Variants in NCAM1 observed in about 807,000 individuals in gnomAD.
The protein encoded by NCAM1 is neural cell adhesion molecule 1, also known as antigen recognized by monoclonal antibody 5.1H11.
NCAM1 carries 14 observed loss-of-function variants against 109.8 expected under a neutral mutation model. The observed-to-expected ratio is 0.13, with a 90% CI of 0.08 to 0.20. NCAM1 has a LOEUF of 0.20. Among genes scored for constraint, NCAM1 ranks in the 10% least tolerant of loss-of-function variants. The probability of loss-of-function intolerance (pLI) is 1.00; values close to 1 mark genes in which losing one functional copy is unlikely to be tolerated. For synonymous variants in NCAM1, 418 were observed against 442.9 expected (o/e 0.94, Z 0.70); for missense variants, 774 against 1,109.9 (o/e 0.70, Z 4.30).
chr11:113,047,365 G>C (rs1254595284), intron 1 of NCAM1, among the ~76,000 whole-genome samples: 1 of 152,026 alleles, frequency 6.6e-6, no homozygotes, highest in South Asian at 2.1e-4. Flanking sequence ...AAAATAACTT[G>C]ATTATAAGCA....
intron 17 of NCAM1, among the ~76,000 whole-genome samples, chr11:113,267,264 T>C (rs192081786): frequency 3.3e-5 from 5 of 152,324 alleles, no homozygotes; most frequent in African/African-American, 4.8e-5. Context: ...ATCAGGATTG[T>C]CCTAGATGCT....
chr11:113,265,574 G>A (rs190457639), intron 17 of NCAM1, among the ~76,000 whole-genome samples: 70 of 152,310 alleles, frequency 4.6e-4, no homozygotes, highest in African/African-American at 1.6e-3. Context: ...TGAGCTTGTG[G>A]AGAGGGAATC....
In NCAM1 at chr11:113,003,949, A is replaced by G. The variant is rs188914293; in HGVS notation, c.52+42285A>G. ...TAATTGTATATAAGATTTCTTCACC[A>G]GGTGGTTTCACTTACGAATTTTAAG... On this transcript the variant is annotated intron_variant, in intron 1 of 19. Transcript: ENST00000316851. 19 of 152,342 alleles carry G rather than the reference A, an allele frequency of 1.2e-4. No homozygotes were observed. In the East Asian group the frequency reaches 3.5e-3, roughly 28 times the overall value. 9.4% of individuals were successfully genotyped at this position (152,342 alleles called of 1,614,324 possible).
chr11:113,032,668 T>C (rs1361720941), intron 1 of NCAM1, among the ~76,000 whole-genome samples: 1 of 152,154 alleles, frequency 6.6e-6, no homozygotes, highest in African/African-American at 2.4e-5. Flanking sequence ...TTTAATCCCA[T>C]TCTTATATTC....
At chr11:113,005,086 C>CT (rs1244641139) in intron 1 of NCAM1, among the ~76,000 whole-genome samples, 3 of 152,126 alleles carry the variant, frequency 2.0e-5, no homozygotes, top group African/African-American at 4.8e-5. Flanking sequence ...TAGTATATTC[C>CT]TTTTTTTCTA....
At chr11:113,185,079 T>TATATATATATATATATATAGAGAGAGAG in intron 1 of NCAM1, among the ~76,000 whole-genome samples, 12 of 125,736 alleles carry the variant, frequency 9.5e-5, no homozygotes, top group East Asian at 2.9e-4. Context: ...TATATATATA[T>TATATATATATATATATATAGAGAGAGAG]AGAGAGAGAG....
intron 1 of NCAM1, chr11:113,130,615 G>C (rs781852465): frequency 6.6e-6 from 1 of 152,142 alleles, no homozygotes; most frequent in Admixed American, 6.5e-5. Context: ...GACATCATTT[G>C]TACCATTGTC....
chr11:113,173,462 A>G (rs1943050181), intron 1 of NCAM1, among the ~76,000 whole-genome samples: 1 of 151,736 alleles, frequency 6.6e-6, no homozygotes, highest in South Asian at 2.1e-4. Context: ...GGGGGTCTGG[A>G]CAGGGAAGCA....
At chr11:113,180,624 T>C (rs1288814775) in intron 1 of NCAM1, among the ~76,000 whole-genome samples, 1 of 152,202 alleles carries the variant, frequency 6.6e-6, no homozygotes, top group African/African-American at 2.4e-5. Context: ...AAGTTTTTCT[T>C]CCACTCTACT....
intron 16 of NCAM1, among the ~76,000 whole-genome samples, chr11:113,259,596 C>G (rs1945926983): frequency 6.6e-6 from 1 of 152,068 alleles, no homozygotes; most frequent in South Asian, 2.1e-4. Flanking sequence ...CCCAATGCCA[C>G]ACTGGCATCT....
chr11:113,232,366 T>TG lies in NCAM1; in HGVS notation c.1425+17dup. On this transcript the variant is annotated intron_variant, in intron 11 of 19. Coordinates refer to ENST00000316851, the MANE Select transcript of NCAM1 (RefSeq NM_181351.5). ...CCAGCTATCTGGAGGTGAGTCAGGA[T>TG]GGGGGTGGGACAGAGCAGAGAAAGC... 1 of 1,601,458 alleles carries TG rather than the reference T, an allele frequency of 6.2e-7. No homozygotes were observed.
intron 1 of NCAM1, among the ~76,000 whole-genome samples, chr11:113,031,332 TG>T (rs1952706846): frequency 6.6e-6 from 1 of 152,066 alleles, no homozygotes; most frequent in Non-Finnish European, 1.5e-5. Flanking sequence ...ACCACTACCT[TG>T]GGAGGCATTT....
intron 14 of NCAM1, among the ~76,000 whole-genome samples, chr11:113,244,034 C>A (rs1265699751): frequency 1.3e-5 from 2 of 152,026 alleles, no homozygotes; most frequent in Non-Finnish European, 2.9e-5. Flanking sequence ...ACAGGCTGTG[C>A]TCGCATGGGT....
chr11:113,240,846 T>G (rs782519775), intron 14 of NCAM1: 1 of 1,611,440 alleles, frequency 6.2e-7, no homozygotes, highest in South Asian at 1.1e-5. Flanking sequence ...GAGTATCATT[T>G]TCTTCATCCA....
rs574923939 is a variant in NCAM1 at position 113,058,368 on chromosome 11, T to C, written c.52+96704T>C. 3.9e-5 allele frequency among the ~76,000 whole-genome samples: 6 copies of C among 152,242 alleles called. No individual in the cohort carries two copies. In the East Asian group the frequency reaches 7.7e-4, roughly 20 times the overall value. ...AAGGAGAAGGGTGGTATGTTTTCAA[T>C]GAGAAGGAATGTCAGGGAGCCCGAT... On this transcript the variant is annotated intron_variant, in intron 1 of 19. Coordinates refer to ENST00000316851, the MANE Select transcript of NCAM1 (RefSeq NM_181351.5).
At chr11:113,207,810 C>A (rs1444472851) in intron 6 of NCAM1, 23 bp from the exon 7 acceptor site, 9 of 1,596,202 alleles carry the variant, frequency 5.6e-6, no homozygotes, top group Non-Finnish European at 7.7e-6. Context: ...AATCATGCTA[C>A]TTTGCATTTC....
chr11:112,982,555 G>C (rs1486807673), intron 1 of NCAM1, among the ~76,000 whole-genome samples: 1 of 151,870 alleles, frequency 6.6e-6, no homozygotes, highest in East Asian at 1.9e-4. Context: ...AGCTACTGTA[G>C]AGGCTGTGTG....
intron 1 of NCAM1, among the ~76,000 whole-genome samples, chr11:113,086,624 T>C (rs1555088361): frequency 6.6e-6 from 1 of 152,200 alleles, no homozygotes; most frequent in African/African-American, 2.4e-5. Flanking sequence ...TCACTGTCTC[T>C]TATTTATGTC....
rs142209122 is a variant in NCAM1 at position 113,149,391 on chromosome 11, G to GA, written c.53-52985dup. On this transcript the variant is annotated intron_variant, in intron 1 of 19. Transcript: ENST00000316851. Reference sequence around the variant, plus strand: ...AGATTGGATTCAAAAAACCCACTGGGAAACCATTATAATAATCCAAATAAG... The same window carrying GA: ...AGATTGGATTCAAAAAACCCACTGGGAAAACCATTATAATAATCCAAATAAG... Among the ~76,000 whole-genome samples the GA allele has an allele frequency of 4.2e-3, 638 of 152,292 alleles. 3 individuals are homozygous for GA. The highest frequency in any genetic ancestry group is 0.015 in the African/African-American group (606 of 41,556).
Sources: allele counts gnomAD v4.1 joint callset (sites outside exome capture counted in the v4.1 genomes callset), GRCh38; gene constraint gnomAD v4.1.1; transcripts MANE v1.5; gene names NCBI Gene and HGNC (gene_info 2026-07-23, HGNC 2026-07-21).